Variants in SLC14A2 observed in about 807,000 individuals in gnomAD.
The protein encoded by SLC14A2 is solute carrier family 14 member 2.
A neutral mutation model predicts 104.6 loss-of-function variants in SLC14A2; 91 were observed. That is an observed-to-expected ratio of 0.87 (90% CI 0.73 to 1.04). SLC14A2 has a LOEUF of 1.04. SLC14A2 is among the 50% of genes least tolerant of loss of function. The pLI is 0.00. For missense variants in SLC14A2, 1,189 were observed against 1,156.0 expected (o/e 1.03, Z -0.41); for synonymous variants, 476 against 466.4 (o/e 1.02, Z -0.27).
In SLC14A2 at chr18:45,324,704, G is replaced by A. The variant is rs188334279; in HGVS notation, c.-125+111513G>A. On this transcript the variant is annotated intron_variant, in intron 1 of 20. Coordinates refer to the SLC14A2 transcript ENST00000586448. ...AAATTTGTTTTTAAATGCTATGAAT[G>A]TTTTATCTCCTGACCCTCACCTCCA... is the stretch of plus-strand genomic sequence containing the variant. 5.4e-3 allele frequency among the ~76,000 whole-genome samples: 814 copies of A among 152,104 alleles called. 8 individuals carry two copies. The highest frequency in any genetic ancestry group is 0.019 in the African/African-American group (779 of 41,450).
intron 1 of SLC14A2, among the ~76,000 whole-genome samples, chr18:45,321,869 T>C (rs112194397): frequency 5.9e-5 from 9 of 152,194 alleles, no homozygotes; most frequent in Admixed American, 3.9e-4. Flanking sequence ...GGTTTTGGCA[T>C]GTTCTGTCTG....
intron 1 of SLC14A2, among the ~76,000 whole-genome samples, chr18:45,259,428 A>G (rs1224440360): frequency 2.0e-5 from 3 of 152,222 alleles, no homozygotes; most frequent in Admixed American, 1.3e-4. Flanking sequence ...CCCCAAATCT[A>G]TGGGAATTCA....
chr18:45,419,093 CT>C (rs1448272583), intron 1 of SLC14A2, among the ~76,000 whole-genome samples: 1 of 152,220 alleles, frequency 6.6e-6, no homozygotes, highest in Non-Finnish European at 1.5e-5. Context: ...ATAAATGTTT[CT>C]GACCAGTGCT....
intron 18 of SLC14A2, among the ~76,000 whole-genome samples, chr18:45,675,717 T>A (rs1441148597): frequency 9.7e-4 from 111 of 114,072 alleles, no homozygotes; most frequent in African/African-American, 2.4e-3. Flanking sequence ...ATATTTTTTT[T>A]TTTTTTTTTT....
chr18:45,361,933 G>A (rs1221898801), intron 1 of SLC14A2, among the ~76,000 whole-genome samples: 2 of 152,094 alleles, frequency 1.3e-5, no homozygotes, highest in African/African-American at 2.4e-5. Flanking sequence ...TCCAAGAACC[G>A]CTTTAGACTA....
chr18:45,276,082 G>A (rs984170023), intron 1 of SLC14A2, among the ~76,000 whole-genome samples: 1 of 152,226 alleles, frequency 6.6e-6, no homozygotes, highest in African/African-American at 2.4e-5. Flanking sequence ...AAGTGCAAAG[G>A]CCCTGAGGCT....
At chr18:45,604,753 TAGGTGA>T (rs961312568) in intron 2 of SLC14A2, among the ~76,000 whole-genome samples, 1 of 152,200 alleles carries the variant, frequency 6.6e-6, no homozygotes, top group Non-Finnish European at 1.5e-5. Flanking sequence ...AATGCACACT[TAGGTGA>T]GGGTCATCTT....
intron 2 of SLC14A2, among the ~76,000 whole-genome samples, chr18:45,500,268 A>T (rs992773901): frequency 1.3e-5 from 2 of 152,158 alleles, no homozygotes; most frequent in African/African-American, 4.8e-5. Context: ...TACTTTCTTG[A>T]AATCCTTGAC....
At chr18:45,613,412 G>C (rs1156870065), upstream of SLC14A2, among the ~76,000 whole-genome samples, 2 of 152,222 alleles carry the variant, frequency 1.3e-5, no homozygotes, top group African/African-American at 4.8e-5. Flanking sequence ...TGAAAATGTG[G>C]AAGCAAGTAG....
At chr18:45,217,446 G>GATA (rs2084020862) in intron 1 of SLC14A2, among the ~76,000 whole-genome samples, 1 of 151,874 alleles carries the variant, frequency 6.6e-6, no homozygotes, top group African/African-American at 2.4e-5. Context: ...AGCCACAGTG[G>GATA]GTTAGAACAG....
chr18:45,649,115 G>A (rs577457830), intron 10 of SLC14A2, among the ~76,000 whole-genome samples: 2 of 152,248 alleles, frequency 1.3e-5, no homozygotes, highest in African/African-American at 4.8e-5. Flanking sequence ...AGCTTGCAGT[G>A]AGCGAGCCGA....
At chr18:45,591,976 C>A (rs1422925518) in intron 2 of SLC14A2, among the ~76,000 whole-genome samples, 1 of 152,176 alleles carries the variant, frequency 6.6e-6, no homozygotes, top group Admixed American at 6.5e-5. Context: ...TGATTTTAAC[C>A]TCTTCAGCAG....
intron 1 of SLC14A2, among the ~76,000 whole-genome samples, chr18:45,335,453 T>G (rs1211029427): frequency 2.3e-5 from 3 of 131,262 alleles, no homozygotes; most frequent in African/African-American, 8.9e-5. Context: ...GCATAAACAC[T>G]ATTATATGCA....
intron 1 of SLC14A2, among the ~76,000 whole-genome samples, chr18:45,456,413 C>T (rs2086944622): frequency 6.6e-6 from 1 of 152,244 alleles, no homozygotes; most frequent in South Asian, 2.1e-4. Context: ...AGTCTCCTTG[C>T]ATCCACAACA....
At chr18:45,584,930 G>A (rs568170897) in intron 2 of SLC14A2, among the ~76,000 whole-genome samples, 1 of 152,302 alleles carries the variant, frequency 6.6e-6, no homozygotes, top group East Asian at 1.9e-4. Flanking sequence ...ATATGAATAG[G>A]AAAACATGAG....
chr18:45,643,062 G>A, intron 8 of SLC14A2, 70 bp from the exon 9 acceptor site: 1 of 1,436,754 alleles, frequency 7.0e-7, no homozygotes. Flanking sequence ...GGGCTCCCTG[G>A]TCTGCAATGG....
intron 1 of SLC14A2, among the ~76,000 whole-genome samples, chr18:45,283,865 G>T (rs35388841): frequency 0.014 from 2,074 of 152,266 alleles, 25 homozygotes; most frequent in East Asian, 0.029. Flanking sequence ...TTTCTGGTAG[G>T]AAGCCACTAG....
At chr18:45,630,919 G>C (rs1021399182) in intron 4 of SLC14A2, among the ~76,000 whole-genome samples, 2 of 152,138 alleles carry the variant, frequency 1.3e-5, no homozygotes, top group Non-Finnish European at 2.9e-5. Context: ...AAGCTGTCTA[G>C]ATATGCTCTC....
intron 1 of SLC14A2, among the ~76,000 whole-genome samples, chr18:45,439,174 G>A (rs1212137853): frequency 6.6e-6 from 1 of 152,120 alleles, no homozygotes; most frequent in Non-Finnish European, 1.5e-5. Flanking sequence ...AGCTACTTGG[G>A]AGGCTGAGGA....
Sources: allele counts gnomAD v4.1 joint callset (sites outside exome capture counted in the v4.1 genomes callset), GRCh38; gene constraint gnomAD v4.1.1; transcripts MANE v1.5; gene names NCBI Gene and HGNC (gene_info 2026-07-23, HGNC 2026-07-21).